NECTIN3: variants seen among roughly 807,000 people sequenced by gnomAD.
The protein encoded by NECTIN3 is nectin cell adhesion molecule 3.
A neutral mutation model predicts 49.4 loss-of-function variants in NECTIN3; 8 were observed. The ratio of observed to expected loss-of-function variants is 0.16; its 90% confidence interval spans 0.10 to 0.29. The LOEUF is 0.29. NECTIN3 is among the 10% of genes least tolerant of loss of function. NECTIN3 has a pLI of 1.00. For missense variants in NECTIN3, 581 were observed against 654.6 expected (o/e 0.89, Z 1.23); for synonymous variants, 277 against 241.1 (o/e 1.15, Z -1.38).
intron 1 of NECTIN3, among the ~76,000 whole-genome samples, chr3:111,090,815 T>G (rs2032221956): frequency 9.5e-5 from 1 of 10,474 alleles, no homozygotes; most frequent in Non-Finnish European, 1.9e-4. Flanking sequence ...TTTACCTTTT[T>G]AAATAGGTTG....
chr3:111,116,411 T>TA (rs2033691781), intron 2 of NECTIN3, among the ~76,000 whole-genome samples: 1 of 152,160 alleles, frequency 6.6e-6, no homozygotes. Context: ...ATTCATTACT[T>TA]ACAACAAATA....
intron 7 of NECTIN3, among the ~76,000 whole-genome samples, chr3:111,148,048 A>C (rs1190774080): frequency 2.0e-5 from 3 of 152,068 alleles, no homozygotes; most frequent in African/African-American, 7.2e-5. Flanking sequence ...GAATTCTTTG[A>C]TTCTCAAGTT....
chr3:111,154,997 G>A (rs1044464367), intron 7 of NECTIN3, among the ~76,000 whole-genome samples: 2 of 152,024 alleles, frequency 1.3e-5, no homozygotes, highest in African/African-American at 4.8e-5. Flanking sequence ...AGTGCAGTGG[G>A]TGCAATCTTG....
At chr3:111,172,636 A>G (rs2035455284) in intron 7 of NECTIN3, among the ~76,000 whole-genome samples, 1 of 152,204 alleles carries the variant, frequency 6.6e-6, no homozygotes, top group Non-Finnish European at 1.5e-5. Flanking sequence ...GAACATGCTA[A>G]CAAATTAAAC....
chr3:111,181,888 T>C (rs1375232492), intron 7 of NECTIN3, among the ~76,000 whole-genome samples: 1 of 152,036 alleles, frequency 6.6e-6, no homozygotes, highest in Non-Finnish European at 1.5e-5. Flanking sequence ...TTCACTCTTT[T>C]TTTCTACTTC....
chr3:111,139,634 A>G (rs1012930016), downstream of NECTIN3, among the ~76,000 whole-genome samples: 3 of 151,736 alleles, frequency 2.0e-5, no homozygotes, highest in African/African-American at 4.8e-5. Flanking sequence ...TTCTTTTACC[A>G]TATCATATAC....
At chr3:111,077,273 G>A (rs1193923800) in intron 1 of NECTIN3, 1 of 405,444 alleles carries the variant, frequency 2.5e-6, no homozygotes, top group Non-Finnish European at 5.0e-6. Flanking sequence ...AAGACCTGTT[G>A]CATTGTGAGT....
intron 7 of NECTIN3, among the ~76,000 whole-genome samples, chr3:111,169,077 AAC>A (rs2035381521): frequency 6.9e-6 from 1 of 144,978 alleles, no homozygotes; most frequent in African/African-American, 2.7e-5. Context: ...GGACTATTCA[AAC>A]TTTTTTTTTT....
intron 1 of NECTIN3, chr3:111,193,140 C>T: frequency 4.3e-6 from 6 of 1,401,372 alleles, no homozygotes; most frequent in Non-Finnish European, 5.8e-6. Flanking sequence ...CCTGTTTTTA[C>T]CAGTGCTAGA....
At chr3:111,146,731 A>G (rs560579835) in intron 6 of NECTIN3, among the ~76,000 whole-genome samples, 27 of 152,270 alleles carry the variant, frequency 1.8e-4, no homozygotes, top group Non-Finnish European at 2.8e-4. Flanking sequence ...GTGATCTTCA[A>G]AAGCATGAGA....
intron 5 of NECTIN3, among the ~76,000 whole-genome samples, chr3:111,132,794 G>T (rs1422864641): frequency 6.6e-6 from 1 of 151,816 alleles, no homozygotes; most frequent in East Asian, 1.9e-4. Flanking sequence ...ATTAAATTTT[G>T]CAGATATAGT....
chr3:111,121,537 C>G (rs1559792144), intron 3 of NECTIN3, among the ~76,000 whole-genome samples: 1 of 152,046 alleles, frequency 6.6e-6, no homozygotes, highest in Non-Finnish European at 1.5e-5. Flanking sequence ...ACATTTGAAG[C>G]CCTAGCTAAT....
intron 7 of NECTIN3, among the ~76,000 whole-genome samples, chr3:111,164,083 T>C (rs751759239): frequency 2.0e-5 from 3 of 152,126 alleles, no homozygotes; most frequent in Non-Finnish European, 4.4e-5. Flanking sequence ...TATTTGTATT[T>C]CATAATTGAT....
At chr3:111,101,043 T>C (rs765980386) in intron 1 of NECTIN3, among the ~76,000 whole-genome samples, 2 of 152,154 alleles carry the variant, frequency 1.3e-5, no homozygotes, top group Non-Finnish European at 2.9e-5. Flanking sequence ...CTGCTTCTTA[T>C]CTGTGTTTTG....
intron 7 of NECTIN3, among the ~76,000 whole-genome samples, chr3:111,168,207 G>A (rs879621903): frequency 2.4e-4 from 36 of 152,158 alleles, no homozygotes; most frequent in Non-Finnish European, 4.4e-4. Flanking sequence ...TAATACAGAG[G>A]AGAAGATAGA....
downstream of NECTIN3, among the ~76,000 whole-genome samples, chr3:111,141,124 CT>C (rs2034734310): frequency 6.6e-6 from 1 of 151,576 alleles, no homozygotes; most frequent in African/African-American, 2.4e-5. Flanking sequence ...AATAGAGCAT[CT>C]TAATAAAAAA....
At chr3:111,085,635 T>C (rs1240020510) in intron 1 of NECTIN3, among the ~76,000 whole-genome samples, 1 of 152,184 alleles carries the variant, frequency 6.6e-6, no homozygotes, top group Non-Finnish European at 1.5e-5. Context: ...TTTTCCTGTT[T>C]TTGAACTTTG....
chr3:111,151,963 C>T (rs1477509960), intron 7 of NECTIN3, among the ~76,000 whole-genome samples: 1 of 151,836 alleles, frequency 6.6e-6, no homozygotes. Context: ...CACACACACA[C>T]ACACACTCAG....
intron 1 of NECTIN3, among the ~76,000 whole-genome samples, chr3:111,111,755 A>C (rs542696031): frequency 1.3e-5 from 2 of 152,238 alleles, no homozygotes; most frequent in Non-Finnish European, 2.9e-5. Context: ...TTTTCACTGC[A>C]ACACATATTG....
Sources: allele counts gnomAD v4.1 joint callset (sites outside exome capture counted in the v4.1 genomes callset), GRCh38; gene constraint gnomAD v4.1.1; transcripts MANE v1.5; gene names NCBI Gene and HGNC (gene_info 2026-07-23, HGNC 2026-07-21).